Variants in PLAG1 observed in about 807,000 individuals in gnomAD.
PLAG1 encodes zinc finger protein PLAG1.
A neutral mutation model predicts 35.5 loss-of-function variants in PLAG1; 7 were observed. That is an observed-to-expected ratio of 0.20 (90% confidence interval 0.11 to 0.37). The LOEUF (loss-of-function observed/expected upper bound fraction) is 0.37, where lower values mean the gene tolerates loss of function less well. Among genes scored for constraint, PLAG1 ranks in the 10% least tolerant of loss-of-function variants. The probability of loss-of-function intolerance (pLI) is 1.00; values close to 1 mark genes in which losing one functional copy is unlikely to be tolerated. For missense variants in PLAG1, 454 were observed against 602.8 expected (o/e 0.75, Z 2.58); for synonymous variants, 229 against 225.4 (o/e 1.02, Z -0.14).
chr8:56,174,365 T>C (rs1316779564), intron 2 of PLAG1, among the ~76,000 whole-genome samples: 1 of 152,228 alleles, frequency 6.6e-6, no homozygotes, highest in East Asian at 1.9e-4. Flanking sequence ...GGCAACAGTA[T>C]ACTTAGAACA....
At chr8:56,205,236 A>C (rs183275357) in intron 1 of PLAG1, among the ~76,000 whole-genome samples, 264 of 152,008 alleles carry the variant, frequency 1.7e-3, no homozygotes, top group Middle Eastern at 3.4e-3. Flanking sequence ...ACAATGAAGA[A>C]AATGATTTTC....
chr8:56,171,053 A>T (rs1208205525), intron 3 of PLAG1, 38 bp downstream of exon 3: 3 of 415,670 alleles, frequency 7.2e-6, no homozygotes, highest in Non-Finnish European at 9.7e-6. Context: ...TTAAAGGTGC[A>T]TGCATAGAAT....
intron 1 of PLAG1, among the ~76,000 whole-genome samples, chr8:56,193,639 G>A (rs1304663489): frequency 6.6e-6 from 1 of 151,412 alleles, no homozygotes; most frequent in East Asian, 1.9e-4. Context: ...ATTCGAGACT[G>A]ATGTACAAGT....
At position 56,162,324 on chromosome 8, in the gene PLAG1, G is replaced by A. The variant is rs941452113; in HGVS notation, c.*3919C>T. On this transcript the variant is annotated 3_prime_UTR_variant, in exon 5 of 5. Coordinates refer to ENST00000316981, the MANE Select transcript of PLAG1 (RefSeq NM_002655.3). ...GGTGAACTGGTATTTTTTAACTTAC[G>A]TACTGGGAAGACAGTGTGCTTTGAG... The A allele has an allele frequency of 1.8e-5, 4 of 226,976 alleles. No homozygotes were observed. The highest frequency in any genetic ancestry group is 2.6e-5 in the Non-Finnish European group (3 of 113,804). 14.1% of individuals were successfully genotyped at this position (226,976 alleles called of 1,614,324 possible).
intron 2 of PLAG1, among the ~76,000 whole-genome samples, chr8:56,174,368 T>C (rs1224508473): frequency 1.3e-5 from 2 of 152,214 alleles, no homozygotes; most frequent in African/African-American, 4.8e-5. Flanking sequence ...AACAGTATAC[T>C]TAGAACATTT....
intron 2 of PLAG1, among the ~76,000 whole-genome samples, chr8:56,176,046 C>CTT (rs1309523141): frequency 0.012 from 1,528 of 130,070 alleles, 38 homozygotes; most frequent in African/African-American, 0.04. Flanking sequence ...TTTTCCTTTT[C>CTT]TTTTTTTTTT....
In PLAG1 at chr8:56,168,435, T is replaced by A. The variant is rs915565366; in HGVS notation, c.-117-49A>T. On this transcript the variant is annotated intron_variant, in intron 3 of 4. Transcript: ENST00000316981. Reference sequence around the variant, plus strand: ...CTAGTTTGTAACTAAACTCAATTTTTAAAAATTTTATTTGCTATGTGATGC... The same window carrying A: ...CTAGTTTGTAACTAAACTCAATTTTAAAAAATTTTATTTGCTATGTGATGC... 1.4e-5 allele frequency: 12 copies of A among 871,950 alleles called. No homozygotes were observed. In the Admixed American group the frequency reaches 4.1e-4, roughly 30 times the overall value. The allele number at this position is 871,950 out of a possible 1,614,324, so 54.0% of individuals were successfully genotyped here. A position where few individuals can be genotyped will look rare whatever the true frequency, so the allele number is the denominator to read the frequency against.
chr8:56,168,445 AT>A, intron 3 of PLAG1, 59 bp from the exon 4 acceptor site: 1 of 738,026 alleles, frequency 1.4e-6, no homozygotes, highest in Middle Eastern at 4.2e-4. Flanking sequence ...TAAAAATTTT[AT>A]TTGCTATGTG....
chr8:56,198,563 C>G (rs1040056412), intron 1 of PLAG1, among the ~76,000 whole-genome samples: 2 of 152,202 alleles, frequency 1.3e-5, no homozygotes, highest in African/African-American at 2.4e-5. Context: ...ACAAGACAGT[C>G]CAGCAAGATG....
Position 56,163,124 on chromosome 8 carries a change from T to C in PLAG1, c.*3119A>G, listed in dbSNP as rs979339219. ...CTTCCGTGTTTGGTGACCTAACTTG[T>C]ACATACATGTGGAAGTGAAACTGAA... On this transcript the variant is annotated 3_prime_UTR_variant, in exon 5 of 5. Transcript: ENST00000316981. The C allele has an allele frequency of 4.8e-6, 1 of 207,804 alleles. No individual in the cohort carries two copies. The highest frequency in any genetic ancestry group is 2.3e-5 in the African/African-American group (1 of 43,820). The allele number at this position is 207,804 out of a possible 1,614,324, so 12.9% of individuals were successfully genotyped here. A position where few individuals can be genotyped will look rare whatever the true frequency, so the allele number is the denominator to read the frequency against.
In PLAG1 at chr8:56,160,943, T is replaced by A. The variant is rs1226537167; in HGVS notation, c.*5300A>T. ...TCTATAATTTTATTCATATATTTTG[T>A]GGAATTCACATATCTTATTCTTACA... On this transcript the variant is annotated 3_prime_UTR_variant, in exon 5 of 5. Coordinates refer to ENST00000316981, the MANE Select transcript of PLAG1 (RefSeq NM_002655.3). The A allele has an allele frequency of 5.6e-6, 1 of 177,572 alleles. No individual in the cohort carries two copies. Among genetic ancestry groups the A allele is most frequent in the Non-Finnish European group, 1.2e-5 (1 of 82,572 alleles). 11.0% of individuals were successfully genotyped at this position (177,572 alleles called of 1,614,324 possible).
At chr8:56,204,181 T>G (rs1231570665) in intron 1 of PLAG1, among the ~76,000 whole-genome samples, 1 of 151,918 alleles carries the variant, frequency 6.6e-6, no homozygotes, top group Non-Finnish European at 1.5e-5. Flanking sequence ...AAAAGGAAAG[T>G]GCTCATATAT....
intron 1 of PLAG1, among the ~76,000 whole-genome samples, chr8:56,192,494 T>G (rs533381614): frequency 6.6e-6 from 1 of 152,364 alleles, no homozygotes; most frequent in Admixed American, 6.5e-5. Context: ...CTTTATACAA[T>G]GTTACATTTT....
At chr8:56,189,126 T>TAA (rs1812106515) in intron 1 of PLAG1, among the ~76,000 whole-genome samples, 1 of 152,242 alleles carries the variant, frequency 6.6e-6, no homozygotes. Flanking sequence ...GCTGAATGAA[T>TAA]AAAAGGAAGA....
chr8:56,191,686 T>C (rs899186169), intron 1 of PLAG1, among the ~76,000 whole-genome samples: 4 of 152,088 alleles, frequency 2.6e-5, no homozygotes, highest in Non-Finnish European at 4.4e-5. Flanking sequence ...TTATCTGCTT[T>C]ACAAATTCCA....
In PLAG1 at chr8:56,162,248, A is replaced by G. The variant is rs892329419; in HGVS notation, c.*3995T>C. On this transcript the variant is annotated 3_prime_UTR_variant, in exon 5 of 5. Coordinates refer to ENST00000316981, the MANE Select transcript of PLAG1 (RefSeq NM_002655.3). The stretch of plus-strand genomic sequence containing the variant: ...TGCTAATGACGAATACTAAACATTT[A>G]AAAGATCTCCTCCAATGTCACATGG... The G allele has an allele frequency of 5.7e-5, 13 of 228,868 alleles. No homozygotes were observed. In the Admixed American group the frequency reaches 6.2e-4, roughly 11 times the overall value. The allele number at this position is 228,868 out of a possible 1,614,324, so 14.2% of individuals were successfully genotyped here.
intron 2 of PLAG1, among the ~76,000 whole-genome samples, chr8:56,171,676 C>A (rs944125676): frequency 1.3e-5 from 2 of 152,222 alleles, no homozygotes; most frequent in Non-Finnish European, 2.9e-5. Flanking sequence ...CCTCTCAGAG[C>A]TACACTTTTG....
In PLAG1 at chr8:56,176,998, A is replaced by C. The variant is rs1004368584; in HGVS notation, c.-217+2411T>G. Among the ~76,000 whole-genome samples, 10 of 152,360 alleles carry C rather than the reference A, an allele frequency of 6.6e-5. 1 individual carries two copies. The highest frequency in any genetic ancestry group is 3.4e-3 in the Middle Eastern group (1 of 294). On this transcript the variant is annotated intron_variant, in intron 2 of 4. Transcript: ENST00000316981. Reference sequence around the variant, plus strand: ...TCAAGCACCCATACTGAATCTGCCTATAAATTCAAACAAAAAGGCAGACAT... The same window carrying C: ...TCAAGCACCCATACTGAATCTGCCTCTAAATTCAAACAAAAAGGCAGACAT...
chr8:56,183,339 A>T (rs1190280176), intron 1 of PLAG1, among the ~76,000 whole-genome samples: 1 of 152,234 alleles, frequency 6.6e-6, no homozygotes, highest in Non-Finnish European at 1.5e-5. Flanking sequence ...AAGATTAAAA[A>T]TTGATAATGT....
Sources: gnomAD v4.1 joint callset for allele counts (sites outside exome capture counted in the v4.1 genomes callset) on GRCh38, gnomAD v4.1.1 for gene constraint, MANE v1.5 for transcripts, NCBI Gene and HGNC (gene_info 2026-07-23, HGNC 2026-07-21) for gene names.